NEO1: variants seen among roughly 807,000 people sequenced by gnomAD.
NEO1 encodes neogenin 1.
In NEO1, 63 loss-of-function variants were observed where a neutral mutation model predicts 159.7. The ratio of observed to expected loss-of-function variants is 0.39; its 90% CI spans 0.32 to 0.49. The LOEUF is 0.49. NEO1 is among the 20% of genes least tolerant of loss of function. NEO1 has a pLI of 0.85. For missense variants in NEO1, 1,615 were observed against 1,831.0 expected (o/e 0.88, Z 2.15); for synonymous variants, 633 against 662.0 (o/e 0.96, Z 0.67).
chr15:73,258,913 A>G (rs757475325), intron 14 of NEO1, 37 bp downstream of exon 14: 28 of 1,529,552 alleles, frequency 1.8e-5, no homozygotes, highest in Middle Eastern at 1.7e-4. Flanking sequence ...AACACAATAG[A>G]TACTAGCTGT....
At chr15:73,201,258 T>C (rs2036865060) in intron 7 of NEO1, among the ~76,000 whole-genome samples, 2 of 151,758 alleles carry the variant, frequency 1.3e-5, no homozygotes, top group Non-Finnish European at 2.9e-5. Context: ...TCCCAAGGTA[T>C]AATCTAAGTT....
Position 73,182,576 on chromosome 15 carries a change from T to TG in NEO1, c.1291+4151dup, listed in dbSNP as rs562729159. On this transcript the variant is annotated intron_variant, in intron 7 of 28. Transcript: ENST00000261908. ...GGTTTAATGGACTCACAGTTCCACATGGCTGGGGAGGCCTCACAATCATGG... is the reference window on the plus strand; with the variant it reads ...GGTTTAATGGACTCACAGTTCCACATGGGCTGGGGAGGCCTCACAATCATGG... Among the ~76,000 whole-genome samples, 136 of 152,262 alleles carry TG rather than the reference T, an allele frequency of 8.9e-4. 1 individual carries two copies. Among genetic ancestry groups the TG allele is most frequent in the African/African-American group, 3.2e-3 (132 of 41,570 alleles).
intron 1 of NEO1, among the ~76,000 whole-genome samples, chr15:73,077,703 T>TCATAC (rs1384110927): frequency 5.3e-5 from 8 of 152,238 alleles, no homozygotes; most frequent in African/African-American, 1.9e-4. Context: ...GGCACTGTGC[T>TCATAC]AGGTAACGGG....
intron 1 of NEO1, among the ~76,000 whole-genome samples, chr15:73,113,960 A>G (rs1398236806): frequency 6.6e-6 from 1 of 152,190 alleles, no homozygotes; most frequent in Non-Finnish European, 1.5e-5. Context: ...AAGAAATTAT[A>G]GAGAAAATAA....
chr15:73,099,887 A>G (rs1393397311), intron 1 of NEO1, among the ~76,000 whole-genome samples: 1 of 152,220 alleles, frequency 6.6e-6, no homozygotes, highest in East Asian at 1.9e-4. Context: ...AATTACTCTT[A>G]TAAAACTGCT....
intron 1 of NEO1, among the ~76,000 whole-genome samples, chr15:73,054,207 C>G (rs62016795): frequency 0.29 from 44,673 of 152,168 alleles, 8,399 homozygotes; most frequent in Middle Eastern, 0.42. Context: ...AAACAAGTTC[C>G]TGTTACTCAT....
chr15:73,123,751 C>T (rs2071808905), intron 3 of NEO1, among the ~76,000 whole-genome samples: 1 of 152,142 alleles, frequency 6.6e-6, no homozygotes, highest in South Asian at 2.1e-4. Flanking sequence ...GTTCTCACTG[C>T]TAGGTGCCCC....
In NEO1 at chr15:73,274,371, A is replaced by T. The variant is rs186458224; in HGVS notation, c.3161-321A>T. 3.1e-3 allele frequency among the ~76,000 whole-genome samples: 473 copies of T among 152,318 alleles called. 2 individuals are homozygous for T. The highest frequency in any genetic ancestry group is 0.011 in the African/African-American group (450 of 41,572). On this transcript the variant is annotated intron_variant, in intron 20 of 28. Coordinates refer to ENST00000261908, the MANE Select transcript of NEO1 (RefSeq NM_002499.4). ...GATAGTTCAACTCAGGCAGGCTATT[A>T]ACCTGAAAGACTTATTTGTGGACGT...
intron 7 of NEO1, among the ~76,000 whole-genome samples, chr15:73,194,057 T>G (rs1018570089): frequency 6.6e-6 from 1 of 152,278 alleles, no homozygotes; most frequent in East Asian, 1.9e-4. Flanking sequence ...TGGGAAGGTG[T>G]GCAGAGACCA....
intron 7 of NEO1, chr15:73,221,787 G>A (rs949568571): frequency 3.2e-5 from 5 of 156,800 alleles, no homozygotes; most frequent in Non-Finnish European, 5.6e-5. Context: ...TCAGAAAAGC[G>A]CAGTATTCAG....
At chr15:73,184,147 AAATT>A (rs538116304) in intron 7 of NEO1, among the ~76,000 whole-genome samples, 5 of 152,044 alleles carry the variant, frequency 3.3e-5, no homozygotes, top group South Asian at 2.1e-4. Context: ...ACCTTTTTTA[AAATT>A]AATTAATTAA....
chr15:73,220,017 C>T (rs1206938486), intron 7 of NEO1, among the ~76,000 whole-genome samples: 1 of 151,966 alleles, frequency 6.6e-6, no homozygotes, highest in African/African-American at 2.4e-5. Context: ...TCTTCCTAGT[C>T]TCGATGGTCT....
At chr15:73,215,228 G>A (rs2037807034) in intron 7 of NEO1, among the ~76,000 whole-genome samples, 1 of 152,186 alleles carries the variant, frequency 6.6e-6, no homozygotes, top group African/African-American at 2.4e-5. Context: ...AGCAAACAGT[G>A]ACAGTTTGAC....
chr15:73,104,487 C>A (rs983033279), intron 1 of NEO1, among the ~76,000 whole-genome samples: 7 of 151,954 alleles, frequency 4.6e-5, no homozygotes, highest in African/African-American at 1.7e-4. Context: ...AATAGGTGTT[C>A]TATGGTATAA....
chr15:73,156,979 A>C (rs1000425875), intron 5 of NEO1, among the ~76,000 whole-genome samples: 1 of 152,212 alleles, frequency 6.6e-6, no homozygotes, highest in African/African-American at 2.4e-5. Context: ...GGGCAGTCCC[A>C]GCAGCCACAG....
intron 1 of NEO1, among the ~76,000 whole-genome samples, chr15:73,055,361 GTTGCTTTGTACAGTACA>G (rs1715879846): frequency 6.6e-6 from 1 of 152,104 alleles, no homozygotes; most frequent in South Asian, 2.1e-4. Context: ...GTTAGAAAAT[GTTGCTTTGTACAGTACA>G]TTTCACTGTA....
chr15:73,106,596 C>T (rs376241990), intron 1 of NEO1, among the ~76,000 whole-genome samples: 6 of 152,196 alleles, frequency 3.9e-5, no homozygotes, highest in South Asian at 2.1e-4. Context: ...ATCACTGTCC[C>T]TATTGGATAG....
intron 5 of NEO1, among the ~76,000 whole-genome samples, chr15:73,157,872 CTT>C (rs1392656849): frequency 2.0e-5 from 3 of 151,876 alleles, no homozygotes; most frequent in Non-Finnish European, 4.4e-5. Flanking sequence ...TACTGTTTCC[CTT>C]GTTGATATTT....
chr15:73,091,390 T>A (rs2069682209), intron 1 of NEO1, among the ~76,000 whole-genome samples: 1 of 152,230 alleles, frequency 6.6e-6, no homozygotes, highest in Non-Finnish European at 1.5e-5. Flanking sequence ...AAACTTTTTT[T>A]TTCCAATCGG....
Sources: allele counts gnomAD v4.1 joint callset (sites outside exome capture counted in the v4.1 genomes callset), GRCh38; gene constraint gnomAD v4.1.1; transcripts MANE v1.5; gene names NCBI Gene and HGNC (gene_info 2026-07-23, HGNC 2026-07-21).